The following QTMAN variants were observed in gnomAD, a reference collection of about 807,000 sequenced individuals.
QTMAN encodes the protein tRNA-queuosine alpha-mannosyltransferase.
the QTMAN span, among the ~76,000 whole-genome samples, chr2:144,119,254 G>A: frequency 6.6e-6 from 1 of 152,122 alleles, no homozygotes; most frequent in Admixed American, 6.5e-5. Context: ...TTCAGATTAC[G>A]TGAATCTGAT....
the QTMAN span, among the ~76,000 whole-genome samples, chr2:144,008,211 C>A: frequency 6.6e-6 from 1 of 151,972 alleles, no homozygotes; most frequent in Non-Finnish European, 1.5e-5. Context: ...CCTCAAGGAG[C>A]TCACCGTCTA....
At chr2:144,019,170 A>G in the QTMAN span, among the ~76,000 whole-genome samples, 1 of 152,172 alleles carries the variant, frequency 6.6e-6, no homozygotes, top group Non-Finnish European at 1.5e-5. Flanking sequence ...TTGGGTCTGA[A>G]TAAACATTCC....
chr2:143,970,929 C>A, the QTMAN span, among the ~76,000 whole-genome samples: 1 of 151,998 alleles, frequency 6.6e-6, no homozygotes, highest in African/African-American at 2.4e-5. Flanking sequence ...ATAGCATCAG[C>A]AATATTTTCA....
the QTMAN span, among the ~76,000 whole-genome samples, chr2:144,320,469 A>C: frequency 6.6e-6 from 1 of 152,202 alleles, no homozygotes; most frequent in Non-Finnish European, 1.5e-5. Context: ...CAATGCAGAC[A>C]GCTCTAGTCA....
the QTMAN span, among the ~76,000 whole-genome samples, chr2:144,049,955 G>A: frequency 1.4e-3 from 218 of 152,272 alleles, no homozygotes; most frequent in African/African-American, 5.0e-3. Context: ...TATTGCAGAC[G>A]TGGGAAAGAA....
chr2:144,263,233 T>A, the QTMAN span, among the ~76,000 whole-genome samples: 1 of 151,836 alleles, frequency 6.6e-6, no homozygotes, highest in African/African-American at 2.4e-5. Context: ...CATTTAAAAC[T>A]ATACTGTTCC....
At chr2:144,012,357 A>T in the QTMAN span, among the ~76,000 whole-genome samples, 2 of 152,186 alleles carry the variant, frequency 1.3e-5, no homozygotes, top group African/African-American at 4.8e-5. Flanking sequence ...TGCCTTTTTC[A>T]TATCAGCCGG....
the QTMAN span, among the ~76,000 whole-genome samples, chr2:144,277,654 A>T: frequency 2.0e-5 from 3 of 150,880 alleles, no homozygotes; most frequent in Non-Finnish European, 4.4e-5. Context: ...CACCTACAAA[A>T]TTTTTTTTTT....
chr2:144,128,143 G>A, the QTMAN span: 1 of 151,938 alleles, frequency 6.6e-6, no homozygotes, highest in Admixed American at 6.6e-5. Flanking sequence ...TATAAAACTT[G>A]CAAAGAGAAA....
the QTMAN span, among the ~76,000 whole-genome samples, chr2:144,167,645 TGAA>T: frequency 5.9e-5 from 9 of 152,050 alleles, no homozygotes; most frequent in Non-Finnish European, 1.3e-4. Context: ...TGCCGCCCTG[TGAA>T]GAAGGTGACT....
At chr2:144,178,262 A>G in the QTMAN span, 1 of 152,154 alleles carries the variant, frequency 6.6e-6, no homozygotes, top group Non-Finnish European at 1.5e-5. Context: ...CCGTAAAAGG[A>G]GATTCTTCAC....
the QTMAN span, among the ~76,000 whole-genome samples, chr2:143,987,275 T>C: frequency 6.6e-6 from 1 of 152,176 alleles, no homozygotes; most frequent in Non-Finnish European, 1.5e-5. Context: ...AGACTATTCA[T>C]CTCGATTTTA....
chr2:143,983,282 T>C, the QTMAN span, among the ~76,000 whole-genome samples: 2 of 152,290 alleles, frequency 1.3e-5, no homozygotes, highest in East Asian at 3.9e-4. Flanking sequence ...AGGCAAACAG[T>C]AAATATACAA....
chr2:143,956,118 C>G, the QTMAN span, among the ~76,000 whole-genome samples: 1 of 152,310 alleles, frequency 6.6e-6, no homozygotes, highest in Admixed American at 6.5e-5. Flanking sequence ...TGGATAACTT[C>G]TGTGTATCTG....
At chr2:144,152,133 T>C in the QTMAN span, among the ~76,000 whole-genome samples, 1 of 152,152 alleles carries the variant, frequency 6.6e-6, no homozygotes, top group Non-Finnish European at 1.5e-5. Flanking sequence ...CTTTCTTCCA[T>C]CATGTAATTT....
chr2:144,207,197 A>G, the QTMAN span, among the ~76,000 whole-genome samples: 1 of 152,198 alleles, frequency 6.6e-6, no homozygotes, highest in Non-Finnish European at 1.5e-5. Context: ...TTTAAATTCG[A>G]AAAAAATACA....
chr2:144,092,737 A>G, the QTMAN span, among the ~76,000 whole-genome samples: 1 of 152,200 alleles, frequency 6.6e-6, no homozygotes, highest in East Asian at 1.9e-4. Flanking sequence ...CATATCTGCC[A>G]CAAGATCCTA....
At chr2:143,995,879 T>C in the QTMAN span, among the ~76,000 whole-genome samples, 4 of 152,162 alleles carry the variant, frequency 2.6e-5, no homozygotes, top group African/African-American at 9.7e-5. Flanking sequence ...GATCTCTAAC[T>C]TAGTATGTCC....
At chr2:144,082,890 G>GCACA in the QTMAN span, among the ~76,000 whole-genome samples, 2 of 148,272 alleles carry the variant, frequency 1.3e-5, no homozygotes, top group African/African-American at 5.0e-5. Context: ...AAATACACAC[G>GCACA]CACACACACA....
Sources: allele counts gnomAD v4.1 joint callset (sites outside exome capture counted in the v4.1 genomes callset), GRCh38; gene constraint gnomAD v4.1.1; transcripts MANE v1.5; gene names NCBI Gene and HGNC (gene_info 2026-07-23, HGNC 2026-07-21).